DAB1: variants seen among roughly 807,000 people sequenced by gnomAD.
The protein encoded by DAB1 is disabled homolog 1.
In DAB1, 15 loss-of-function variants were observed where a neutral mutation model predicts 64.6. The ratio of observed to expected loss-of-function variants is 0.23; its 90% confidence interval spans 0.16 to 0.36. The LOEUF is 0.36. Ranked by LOEUF, DAB1 falls within the 10% of genes least tolerant of loss-of-function variation. The pLI is 1.00. For synonymous variants in DAB1, 235 were observed against 251.9 expected, an observed-to-expected ratio of 0.93 and a Z score of 0.64; for missense variants, 596 against 706.7, an observed-to-expected ratio of 0.84 and a Z score of 1.78.
chr1:57,476,372 G>A lies in DAB1; in HGVS notation n.625+173220C>T, dbSNP rs1032835030. 5.9e-5 allele frequency among the ~76,000 whole-genome samples: 9 copies of A among 151,976 alleles called. No homozygotes were observed. The East Asian group carries it at 1.7e-3, about 29-fold the overall frequency. On this transcript the variant is annotated intron_variant and non_coding_transcript_variant, in intron 7 of 20. Transcript: ENST00000485760. ...CAATTTTATTGACATTTGTCTGTCAGTAAAATTTCTCCTACCTCTGTGAAG... is the reference window on the plus strand; with the variant it reads ...CAATTTTATTGACATTTGTCTGTCAATAAAATTTCTCCTACCTCTGTGAAG...
intron 4 of DAB1, among the ~76,000 whole-genome samples, chr1:58,229,664 T>C (rs1398980626): frequency 1.3e-5 from 2 of 152,186 alleles, no homozygotes; most frequent in African/African-American, 4.8e-5. Flanking sequence ...GGAGAGAACG[T>C]ACTTGCAGAG....
At chr1:57,017,125 G>A (rs1646460655) in intron 11 of DAB1, among the ~76,000 whole-genome samples, 2 of 152,038 alleles carry the variant, frequency 1.3e-5, no homozygotes, top group South Asian at 4.1e-4. Context: ...AATACTGCAG[G>A]CCTGCAGGAA....
At chr1:57,092,380 G>A (rs1306187460) in intron 4 of DAB1, among the ~76,000 whole-genome samples, 1 of 152,032 alleles carries the variant, frequency 6.6e-6, no homozygotes, top group African/African-American at 2.4e-5. Context: ...GGAGGGACCT[G>A]GTAGGAAGTG....
At chr1:57,864,879 T>C (rs926509521) in intron 1 of DAB1, 2 of 152,016 alleles carry the variant, frequency 1.3e-5, no homozygotes, top group Non-Finnish European at 2.9e-5. Flanking sequence ...AACAACGCTT[T>C]GTAAACCGTG....
intron 4 of DAB1, among the ~76,000 whole-genome samples, chr1:58,320,089 G>A (rs1048274922): frequency 2.0e-5 from 3 of 152,214 alleles, no homozygotes; most frequent in Non-Finnish European, 4.4e-5. Flanking sequence ...TATGGAGAGA[G>A]AAATCCACAC....
At chr1:57,628,960 T>C (rs992837981) in intron 7 of DAB1, among the ~76,000 whole-genome samples, 3 of 152,232 alleles carry the variant, frequency 2.0e-5, no homozygotes, top group African/African-American at 7.2e-5. Flanking sequence ...TTCCAAGCAT[T>C]GAATGCACAT....
chr1:58,478,153 TAGTG>T (rs1476374713), intron 3 of DAB1, among the ~76,000 whole-genome samples: 2 of 152,136 alleles, frequency 1.3e-5, no homozygotes, highest in African/African-American at 2.4e-5. Context: ...GTTCTCCTGA[TAGTG>T]AGTGACTTCT....
At chr1:57,860,193 T>C (rs1376747527) in intron 1 of DAB1, among the ~76,000 whole-genome samples, 1 of 152,222 alleles carries the variant, frequency 6.6e-6, no homozygotes, top group East Asian at 1.9e-4. Flanking sequence ...AAAAAAATTG[T>C]ATTTTCAAGG....
intron 4 of DAB1, among the ~76,000 whole-genome samples, chr1:58,236,176 C>A (rs575689683): frequency 6.7e-6 from 1 of 149,084 alleles, no homozygotes; most frequent in Admixed American, 6.8e-5. Flanking sequence ...GAGCCAAGGC[C>A]AAGGAGGGAG....
At chr1:57,919,540 G>A (rs1455215888) in intron 5 of DAB1, among the ~76,000 whole-genome samples, 1 of 152,208 alleles carries the variant, frequency 6.6e-6, no homozygotes, top group East Asian at 1.9e-4. Flanking sequence ...AGAAGAAAGG[G>A]CATAGACTCT....
In DAB1 at chr1:58,223,500, G is replaced by A. The variant is rs943793021; in HGVS notation, n.310-72912C>T. On this transcript the variant is annotated intron_variant and non_coding_transcript_variant, in intron 4 of 20. Transcript: ENST00000485760. The stretch of plus-strand genomic sequence containing the variant: ...GTGACGTTCCAATTACAAATTTCCT[G>A]AGAAAACTGCTATTCAATTGCACAA... 7.9e-5 allele frequency among the ~76,000 whole-genome samples: 12 copies of A among 152,300 alleles called. No individual in the cohort carries two copies. In the East Asian group the frequency reaches 1.9e-3, roughly 24 times the overall value.
intron 1 of DAB1, among the ~76,000 whole-genome samples, chr1:57,842,928 G>A (rs1653119116): frequency 6.6e-6 from 1 of 152,176 alleles, no homozygotes; most frequent in Non-Finnish European, 1.5e-5. Context: ...TTATAATCAA[G>A]TGTTGAATAT....
chr1:58,038,736 G>T (rs10493236), intron 5 of DAB1, among the ~76,000 whole-genome samples: 69,358 of 151,916 alleles, frequency 0.46, 16,130 homozygotes, highest in African/African-American at 0.52. Context: ...AGTGCAAGGT[G>T]GATTAACACA....
intron 1 of DAB1, among the ~76,000 whole-genome samples, chr1:57,879,130 A>T (rs56231115): frequency 6.6e-6 from 1 of 152,162 alleles, no homozygotes; most frequent in Non-Finnish European, 1.5e-5. Flanking sequence ...TACAATAAAC[A>T]TGGGAGTGCA....
rs1020829036 is a variant in DAB1 at position 58,472,090 on chromosome 1, A to C, written n.257+33970T>G. Among the ~76,000 whole-genome samples the C allele has an allele frequency of 3.8e-4, 58 of 152,316 alleles. 2 individuals carry two copies. The highest frequency in any genetic ancestry group is 1.2e-3 in the African/African-American group (50 of 41,566). On this transcript the variant is annotated intron_variant and non_coding_transcript_variant, in intron 3 of 20. Coordinates refer to the DAB1 transcript ENST00000485760. ...CTACTATAATGATAAACTTTCATAA[A>C]AAGTAACCAGGGTCCCTCTGATCAT...
chr1:57,139,855 G>A (rs186454191), intron 3 of DAB1, among the ~76,000 whole-genome samples: 21 of 152,244 alleles, frequency 1.4e-4, no homozygotes, highest in Admixed American at 5.2e-4. Flanking sequence ...ACATGTTCCA[G>A]GAGCATTTCC....
At chr1:57,995,461 G>A (rs1646410212) in intron 5 of DAB1, among the ~76,000 whole-genome samples, 1 of 152,042 alleles carries the variant, frequency 6.6e-6, no homozygotes, top group Non-Finnish European at 1.5e-5. Context: ...AAAAAAATTT[G>A]GCAACATTTT....
intron 7 of DAB1, among the ~76,000 whole-genome samples, chr1:57,587,046 T>C (rs1470946205): frequency 6.6e-6 from 1 of 152,230 alleles, no homozygotes; most frequent in Non-Finnish European, 1.5e-5. Context: ...CTCTTTATGC[T>C]AGAATGCCAT....
intron 9 of DAB1, chr1:57,033,717 C>A: frequency 2.6e-6 from 2 of 775,242 alleles, no homozygotes; most frequent in Non-Finnish European, 4.4e-6. Flanking sequence ...CTGTGAAAAT[C>A]TTGGAATATG....
Sources: gnomAD v4.1 joint callset for allele counts (sites outside exome capture counted in the v4.1 genomes callset) on GRCh38, gnomAD v4.1.1 for gene constraint, MANE v1.5 for transcripts, NCBI Gene and HGNC (gene_info 2026-07-23, HGNC 2026-07-21) for gene names.